Variants in WDR97 observed in about 807,000 individuals in gnomAD.
WDR97 encodes the protein WD repeat domain 97, also known as WD repeat-containing protein 97.
In WDR97, 111 loss-of-function variants were observed where a neutral mutation model predicts 65.4. That is an observed-to-expected ratio of 1.70 (90% CI 1.45 to 1.99). WDR97 has a LOEUF of 1.99. Ranked by LOEUF, WDR97 falls within the 30% of genes most tolerant of loss-of-function variation. The pLI is 0.00. For missense variants in WDR97, 1,674 were observed against 865.0 expected (o/e 1.94, Z -11.73); for synonymous variants, 802 against 397.7 (o/e 2.02, Z -12.10).
At position 144,116,019 on chromosome 8, in the gene WDR97, T is replaced by G. The variant is rs1169384859; in HGVS notation, c.4666+6T>G. ...GTCCGCGATGAGACTGAGGGGTGAG[T>G]GGAGCCAGGGGTGGAGACTGGACCC... On this transcript the variant is annotated splice_donor_region_variant and intron_variant, in intron 23 of 23. Coordinates refer to ENST00000323662, the MANE Select transcript of WDR97 (RefSeq NM_001316309.2). 1 of 699,770 alleles carries G rather than the reference T, an allele frequency of 1.4e-6. No individual in the cohort carries two copies. Among genetic ancestry groups the G allele is most frequent in the Non-Finnish European group, 2.6e-6 (1 of 384,318 alleles). The allele number at this position is 699,770 out of a possible 1,614,324, so 43.3% of individuals were successfully genotyped here. A position where few individuals can be genotyped will look rare whatever the true frequency, so the allele number is the denominator to read the frequency against.
rs1336643030 is a variant in WDR97, at chr8:144,111,695, C to CCAG, written c.2556_2558dup (p.Ala853dup). 1.4e-6 allele frequency: 1 copy of CCAG among 699,030 alleles called. No individual in the cohort carries two copies. 43.3% of individuals were successfully genotyped at this position (699,030 alleles called of 1,614,324 possible). Reference sequence around the variant, plus strand: ...GCAGTTGAGGCTGGGGCTAGTGGTCCCAGCAGCCCAGCCCCCACCCTCCTG... The same window carrying CCAG: ...GCAGTTGAGGCTGGGGCTAGTGGTCCCAGCAGCAGCCCAGCCCCCACCCTCCTG... On this transcript the variant is annotated inframe_insertion, in exon 12 of 24. Coordinates refer to ENST00000323662, the MANE Select transcript of WDR97 (RefSeq NM_001316309.2).
At position 144,110,735 on chromosome 8, in the gene WDR97, C is replaced by T. The variant is rs1472270477; in HGVS notation, c.2167C>T (p.Leu723=). ...CATCTGGACTGCTGAGAACCGCCTCCTGCGGTAGGCTAGGAGGTGGGGAGG... is the reference window on the plus strand; with the variant it reads ...CATCTGGACTGCTGAGAACCGCCTCTTGCGGTAGGCTAGGAGGTGGGGAGG... ...VRIWTAENRL[L]RLLQLNGAPQ... The change falls in exon 8 of 24, where the codon CTG becomes TTG. Residue 723 remains leucine, a synonymous_variant. Transcript: ENST00000323662. 4 of 702,698 alleles carry T rather than the reference C, an allele frequency of 5.7e-6. No individual in the cohort carries two copies. The highest frequency in any genetic ancestry group is 1.5e-5 in the South Asian group (1 of 67,614). The allele number at this position is 702,698 out of a possible 1,614,324, so 43.5% of individuals were successfully genotyped here.
chr8:144,113,795 A>G lies in WDR97; in HGVS notation c.3322A>G (p.Lys1108Glu), dbSNP rs1486792221. The G allele has an allele frequency of 1.4e-6, 1 of 702,374 alleles. No homozygotes were observed. The highest frequency in any genetic ancestry group is 2.3e-4 in the Middle Eastern group (1 of 4,362). The allele number at this position is 702,374 out of a possible 1,614,324, so 43.5% of individuals were successfully genotyped here. A position where few individuals can be genotyped will look rare whatever the true frequency, so the allele number is the denominator to read the frequency against. The change falls in exon 17 of 24, where the codon AAG (lysine) becomes GAG (glutamate). Residue 1108 changes from lysine (K) to glutamate (E), a missense_variant. Lys to Glu is a moderately conservative substitution (Grantham distance 56). Transcript: ENST00000323662. ...AGACAAGAAGGAAGAGGAGGAGGAG[A>G]AGGAAGACGAGGAGCTGGACTGGGC... Reference protein sequence around the residue: ...EEDKKEEEEEKEDEELDWALA... With the variant: ...EEDKKEEEEEEEDEELDWALA...
chr8:144,110,089 G>C (rs951626830), intron 5 of WDR97, 25 bp from the exon 6 acceptor site: 1 of 700,312 alleles, frequency 1.4e-6, no homozygotes, highest in Non-Finnish European at 2.6e-6. Context: ...CAGGGTCCGC[G>C]CCAACAGGCT....
chr8:144,117,002 G>A lies in WDR97; in HGVS notation c.*709G>A, dbSNP rs1814767798. On this transcript the variant is annotated 3_prime_UTR_variant, in exon 24 of 24. Coordinates refer to ENST00000323662, the MANE Select transcript of WDR97 (RefSeq NM_001316309.2). ...TCCCCGGCTTTTACACCTGTCTTTT[G>A]TGTTGTCTGAGCAGTGATTTCCCTC... 6.6e-6 allele frequency: 1 copy of A among 152,370 alleles called. No individual in the cohort carries two copies. The highest frequency in any genetic ancestry group is 6.5e-5 in the Admixed American group (1 of 15,290). 9.4% of individuals were successfully genotyped at this position (152,370 alleles called of 1,614,324 possible).
In WDR97 at chr8:144,112,215, A is replaced by G. The variant is rs189392568; in HGVS notation, c.2896-9A>G. On this transcript the variant is annotated splice_polypyrimidine_tract_variant and intron_variant, in intron 13 of 23. Coordinates refer to ENST00000323662, the MANE Select transcript of WDR97 (RefSeq NM_001316309.2). The stretch of plus-strand genomic sequence containing the variant: ...CCTCTGCCACCCTGTGACTCCTCCT[A>G]TGCCCCAGCTTCTGGCCCGCTCCTC... The G allele has an allele frequency of 5.0e-5, 35 of 702,096 alleles. 1 individual carries two copies. The South Asian group carries it at 5.0e-4, about 10-fold the overall frequency. The allele number at this position is 702,096 out of a possible 1,614,324, so 43.5% of individuals were successfully genotyped here. A position where few individuals can be genotyped will look rare whatever the true frequency, so the allele number is the denominator to read the frequency against.
chr8:144,112,743 T>C, intron 15 of WDR97: 1 of 582,616 alleles, frequency 1.7e-6, no homozygotes, highest in Non-Finnish European at 3.1e-6. Flanking sequence ...GCTGTGTTTG[T>C]GGCCACAGGC....
At position 144,110,351 on chromosome 8, in the gene WDR97, G is replaced by A; in HGVS notation, c.1854G>A (p.Leu618=). The A allele has an allele frequency of 2.8e-6, 2 of 702,958 alleles. No homozygotes were observed. Among genetic ancestry groups the A allele is most frequent in the Non-Finnish European group, 5.2e-6 (2 of 384,974 alleles). The allele number at this position is 702,958 out of a possible 1,614,324, so 43.5% of individuals were successfully genotyped here. The change falls in exon 7 of 24, where the codon CTG becomes CTA. Residue 618 remains leucine, a synonymous_variant. Transcript: ENST00000323662. ...WNSIVSSGGD[L]TVKMWRVFPY... ...TTCCGCTGCCCACAGGTGGGGACCT[G>A]ACGGTGAAGATGTGGCGCGTCTTCC...
rs370959481 is a variant in WDR97, at chr8:144,113,529, C to T, written c.3183+12C>T. 3.0e-5 allele frequency: 21 copies of T among 691,958 alleles called. No individual in the cohort carries two copies. Among genetic ancestry groups the T allele is most frequent in the Admixed American group, 6.1e-5 (3 of 49,554 alleles). 42.9% of individuals were successfully genotyped at this position (691,958 alleles called of 1,614,324 possible). A position where few individuals can be genotyped will look rare whatever the true frequency, so the allele number is the denominator to read the frequency against. On this transcript the variant is annotated intron_variant, in intron 16 of 23. Coordinates refer to ENST00000323662, the MANE Select transcript of WDR97 (RefSeq NM_001316309.2). ...GGCTAAATGCGGAGGTCAGCAGCCTCGGATCCCCGACTCAGCTCGCCTCCC... is the reference window on the plus strand; with the variant it reads ...GGCTAAATGCGGAGGTCAGCAGCCTTGGATCCCCGACTCAGCTCGCCTCCC...
chr8:144,111,271 C>T, intron 10 of WDR97, 49 bp downstream of exon 10: 1 of 702,696 alleles, frequency 1.4e-6, no homozygotes, highest in South Asian at 1.5e-5. Flanking sequence ...CTTTCCCACT[C>T]TGGGTGGGGG....
In WDR97 at chr8:144,109,970, G is replaced by A; in HGVS notation, c.1636G>A (p.Val546Met). The change falls in exon 5 of 24, where the codon GTG becomes ATG. Residue 546 changes from valine to methionine, a missense_variant. Transcript: ENST00000323662. ...LEGAFSSWEIVRQHWGELRCS... is the reference protein window; with the variant it reads ...LEGAFSSWEIMRQHWGELRCS... ...AGGCGCCTTCTCCTCCTGGGAGATC[G>A]TGCGCCAGCACTGGGGCGAGTTGCG... is the stretch of plus-strand genomic sequence containing the variant. 1 of 701,686 alleles carries A rather than the reference G, an allele frequency of 1.4e-6. No individual in the cohort carries two copies. Among genetic ancestry groups the A allele is most frequent in the Non-Finnish European group, 2.6e-6 (1 of 384,358 alleles). 43.5% of individuals were successfully genotyped at this position (701,686 alleles called of 1,614,324 possible). A position where few individuals can be genotyped will look rare whatever the true frequency, so the allele number is the denominator to read the frequency against.
intron 21 of WDR97, among the ~76,000 whole-genome samples, 157 bp from the exon 22 acceptor site, chr8:144,115,184 G>A (rs1389988572): frequency 6.6e-6 from 1 of 152,242 alleles, no homozygotes; most frequent in African/African-American, 2.4e-5. Flanking sequence ...CGGGCAGAAG[G>A]GAGTTTCAGT....
rs575520548 is a variant in WDR97 at position 144,115,817 on chromosome 8, G to A, written c.4554G>A (p.Ala1518=). The stretch of plus-strand genomic sequence containing the variant: ...ACCCGCCAGAGCCCTACACGGTGGC[G>A]CCGGTGCCCGACATGGTGGTGCCAC... ...HPHPPEPYTV[A]PVPDMVVPPP... The change falls in exon 22 of 24, where the codon GCG becomes GCA. Residue 1518 remains alanine (A), a synonymous_variant. Transcript: ENST00000323662. The A allele has an allele frequency of 7.6e-4, 520 of 687,976 alleles. 1 individual carries two copies. The highest frequency in any genetic ancestry group is 1.1e-3 in the Non-Finnish European group (432 of 375,798). The allele number at this position is 687,976 out of a possible 1,614,324, so 42.6% of individuals were successfully genotyped here.
chr8:144,110,727 A>T lies in WDR97; in HGVS notation c.2159A>T (p.Asn720Ile). 1 of 702,682 alleles carries T rather than the reference A, an allele frequency of 1.4e-6. No individual in the cohort carries two copies. Among genetic ancestry groups the T allele is most frequent in the Non-Finnish European group, 2.6e-6 (1 of 384,936 alleles). 43.5% of individuals were successfully genotyped at this position (702,682 alleles called of 1,614,324 possible). ...ACCGTTCGCATCTGGACTGCTGAGA[A>T]CCGCCTCCTGCGGTAGGCTAGGAGG... The part of the protein sequence containing the change: ...DCTVRIWTAE[N>I]RLLRLLQLNG... The change falls in exon 8 of 24, where the codon AAC (asparagine) becomes ATC (isoleucine). Residue 720 changes from asparagine to isoleucine, a missense_variant. Transcript: ENST00000323662.
chr8:144,112,944 A>T (rs1836578596), intron 15 of WDR97: 2 of 291,870 alleles, frequency 6.9e-6, no homozygotes, highest in Non-Finnish European at 1.3e-5. Flanking sequence ...CTGTCTTCCC[A>T]CCCTCACGTA....
Position 144,108,099 on chromosome 8 carries a change from G to A in WDR97, c.153G>A (p.Leu51=), listed in dbSNP as rs769742819. The change falls in exon 2 of 24, where the codon TTG becomes TTA. Residue 51 remains leucine, a synonymous_variant. Transcript: ENST00000323662. ...FTEPSQVLPF[L]TSSQQWQSLT... is the part of the protein sequence containing the mutation. Reference sequence around the variant, plus strand: ...AGCCGTCGCAGGTCCTGCCCTTTTTGACCAGCAGCCAACAGTGGCAAAGCC... The same window carrying A: ...AGCCGTCGCAGGTCCTGCCCTTTTTAACCAGCAGCCAACAGTGGCAAAGCC... 7.1e-6 allele frequency: 5 copies of A among 702,774 alleles called. No homozygotes were observed. Among genetic ancestry groups the A allele is most frequent in the Admixed American group, 2.0e-5 (1 of 50,026 alleles). The allele number at this position is 702,774 out of a possible 1,614,324, so 43.5% of individuals were successfully genotyped here.
rs180855846 is a variant in WDR97, at chr8:144,111,487, G to A, written c.2487+1G>A. ...ATCTCAGCACCTGGTGCCGAAGGAGGTGGGGTGGGTCCTCCTTAGCCCGCC... is the reference window on the plus strand; with the variant it reads ...ATCTCAGCACCTGGTGCCGAAGGAGATGGGGTGGGTCCTCCTTAGCCCGCC... On this transcript the variant is annotated splice_donor_variant, in intron 11 of 23. Transcript: ENST00000323662. LOFTEE classifies it high-confidence loss of function. The A allele has an allele frequency of 3.4e-3, 2,412 of 702,648 alleles. 12 individuals are homozygous for A. The highest frequency in any genetic ancestry group is 5.9e-3 in the Non-Finnish European group (2,252 of 384,900). 43.5% of individuals were successfully genotyped at this position (702,648 alleles called of 1,614,324 possible). A position where few individuals can be genotyped will look rare whatever the true frequency, so the allele number is the denominator to read the frequency against.
chr8:144,115,264 A>C, intron 21 of WDR97, 77 bp from the exon 22 acceptor site: 2 of 572,902 alleles, frequency 3.5e-6, no homozygotes, highest in Non-Finnish European at 6.2e-6. Flanking sequence ...GAAAGCTCGC[A>C]GCCACTGTCT....
intron 4 of WDR97, 55 bp downstream of exon 4, chr8:144,109,225 G>A (rs1836487687): frequency 4.3e-6 from 3 of 702,200 alleles, no homozygotes; most frequent in Non-Finnish European, 7.8e-6. Context: ...AGCCGCTCTA[G>A]GCTGTCCAGC....
Sources: gnomAD v4.1 joint callset for allele counts (sites outside exome capture counted in the v4.1 genomes callset) on GRCh38, gnomAD v4.1.1 for gene constraint, MANE v1.5 for transcripts, NCBI Gene and HGNC (gene_info 2026-07-23, HGNC 2026-07-21) for gene names.